Variants in EPB41 observed in about 807,000 individuals in gnomAD.
EPB41 encodes erythrocyte membrane protein band 4.1.
Under a neutral mutation model 108.0 loss-of-function variants are expected in EPB41, and 65 were observed. That is an observed-to-expected ratio of 0.60 (90% CI 0.49 to 0.74). The LOEUF is 0.74. EPB41 is among the 30% of genes least tolerant of loss of function. The probability of loss-of-function intolerance (pLI) is 0.00; values close to 1 mark genes in which losing one functional copy is unlikely to be tolerated. For missense variants in EPB41, 875 were observed against 1,037.0 expected, an observed-to-expected ratio of 0.84 and a Z score of 2.15; for synonymous variants, 336 against 358.9, an observed-to-expected ratio of 0.94 and a Z score of 0.72.
At chr1:29,098,859 G>A (rs542532333) in intron 17 of EPB41, among the ~76,000 whole-genome samples, 1 of 151,946 alleles carries the variant, frequency 6.6e-6, no homozygotes, top group South Asian at 2.1e-4. Context: ...TGATTCTCCT[G>A]CCTCAGCCTC....
intron 1 of EPB41, among the ~76,000 whole-genome samples, chr1:28,915,635 C>T (rs1432238689): frequency 6.6e-6 from 1 of 151,846 alleles, no homozygotes; most frequent in African/African-American, 2.4e-5. Flanking sequence ...TACCCTGTAC[C>T]CTGCCATAAA....
At chr1:28,914,303 C>A (rs951626013), upstream of EPB41, among the ~76,000 whole-genome samples, 1 of 152,236 alleles carries the variant, frequency 6.6e-6, no homozygotes, top group Non-Finnish European at 1.5e-5. Context: ...AGACCGGGTT[C>A]GACTTGCGCG....
chr1:28,934,283 A>T (rs1343040570), intron 1 of EPB41, among the ~76,000 whole-genome samples: 3 of 152,200 alleles, frequency 2.0e-5, no homozygotes, highest in Non-Finnish European at 4.4e-5. Context: ...ACATCCTATC[A>T]ATATGACTTA....
At chr1:28,987,990 C>A in intron 2 of EPB41, 85 bp downstream of exon 2, 1 of 1,433,844 alleles carries the variant, frequency 7.0e-7, no homozygotes, top group Non-Finnish European at 9.8e-7. Context: ...GGGCTGGGCG[C>A]GGTGGCTCAT....
intron 1 of EPB41, 27 bp from the exon 2 acceptor site, chr1:28,987,404 C>T (rs779130435): frequency 1.2e-6 from 2 of 1,602,822 alleles, no homozygotes; most frequent in East Asian, 4.5e-5. Flanking sequence ...TTATAAGAGC[C>T]CCCCTTTTCT....
chr1:28,987,387 G>A (rs752221086), intron 1 of EPB41, 44 bp from the exon 2 acceptor site: 1 of 1,565,666 alleles, frequency 6.4e-7, no homozygotes, highest in South Asian at 1.1e-5. Flanking sequence ...ACAGTAATGT[G>A]TTTTGCTTAT....
chr1:28,953,797 G>A (rs1206572353), intron 1 of EPB41, among the ~76,000 whole-genome samples: 2 of 152,214 alleles, frequency 1.3e-5, no homozygotes, highest in African/African-American at 2.4e-5. Flanking sequence ...ACCAGGGTCC[G>A]AAGCCAAGGT....
At chr1:28,897,889 C>T (rs1255491363) in intron 1 of EPB41, among the ~76,000 whole-genome samples, 2 of 152,112 alleles carry the variant, frequency 1.3e-5, no homozygotes, top group Non-Finnish European at 2.9e-5. Context: ...ACTCAGTGTT[C>T]CTGCTCCTTA....
At chr1:29,004,957 A>G (rs974210604) in intron 4 of EPB41, among the ~76,000 whole-genome samples, 1 of 152,206 alleles carries the variant, frequency 6.6e-6, no homozygotes, top group African/African-American at 2.4e-5. Flanking sequence ...TAGGACCTCC[A>G]TATAAGGGTA....
chr1:29,070,302 T>C (rs1650721917), intron 16 of EPB41: 1 of 1,159,678 alleles, frequency 8.6e-7, no homozygotes, highest in Non-Finnish European at 1.1e-6. Context: ...TTTTTGAGCA[T>C]TTTCCATCTG....
intron 1 of EPB41, among the ~76,000 whole-genome samples, chr1:28,977,603 C>T (rs2095638282): frequency 6.6e-6 from 1 of 152,102 alleles, no homozygotes; most frequent in Non-Finnish European, 1.5e-5. Flanking sequence ...CTCTTTCTGA[C>T]ATTAAGTAAA....
intron 17 of EPB41, 109 bp downstream of exon 17, chr1:29,098,044 G>T: frequency 1.3e-6 from 2 of 1,506,808 alleles, no homozygotes; most frequent in Non-Finnish European, 1.8e-6. Flanking sequence ...TTTTTCTGGG[G>T]CAGTTCTTTT....
chr1:28,889,765 A>G, intron 1 of EPB41: 1 of 981,964 alleles, frequency 1.0e-6, no homozygotes, highest in African/African-American at 1.7e-5. Flanking sequence ...AGGAATCCTG[A>G]GCCCAGGTGT....
Position 29,018,135 on chromosome 1 carries a change from C to G in EPB41, c.906-89C>G, listed in dbSNP as rs2096600481. 4.3e-6 allele frequency: 5 copies of G among 1,154,738 alleles called. No homozygotes were observed. Among genetic ancestry groups the G allele is most frequent in the South Asian group, 2.6e-5 (2 of 77,574 alleles). The allele number at this position is 1,154,738 out of a possible 1,614,324, so 71.5% of individuals were successfully genotyped here. On this transcript the variant is annotated intron_variant, in intron 6 of 20. Transcript: ENST00000343067. This position sits in a 1 kb window ranked among gnomAD's most constrained non-coding sequence, Gnocchi z 4.4. ...TGTGTCCTTATTTTTTCTCTCTCTC[C>G]CTTTCTGTTTCTCCCCTTTTCTCCT...
At chr1:28,921,395 G>T (rs1570603534) in intron 1 of EPB41, among the ~76,000 whole-genome samples, 1 of 152,004 alleles carries the variant, frequency 6.6e-6, no homozygotes, top group Admixed American at 6.6e-5. Flanking sequence ...ATTTCATACA[G>T]ATTGTTGAAA....
intron 11 of EPB41, 148 bp from the exon 12 acceptor site, chr1:29,052,956 A>G (rs935273800): frequency 6.9e-6 from 6 of 871,708 alleles, no homozygotes; most frequent in Non-Finnish European, 9.4e-6. Context: ...AGCACTAATG[A>G]TTTATTTTTT....
intron 1 of EPB41, among the ~76,000 whole-genome samples, chr1:28,898,379 C>T (rs2090936049): frequency 6.6e-6 from 1 of 152,110 alleles, no homozygotes; most frequent in Non-Finnish European, 1.5e-5. Context: ...GCTGCCCTGC[C>T]AGCCCTGCCA....
intron 14 of EPB41, among the ~76,000 whole-genome samples, chr1:29,059,903 G>A (rs961162613): frequency 6.6e-6 from 1 of 152,094 alleles, no homozygotes; most frequent in Non-Finnish European, 1.5e-5. Flanking sequence ...ATATTTATTG[G>A]CTGATCATGT....
intron 17 of EPB41, among the ~76,000 whole-genome samples, chr1:29,105,319 C>G (rs911824060): frequency 1.3e-5 from 2 of 152,176 alleles, no homozygotes; most frequent in Non-Finnish European, 2.9e-5. Context: ...CTCACTGCAA[C>G]CTCCACCTCC....
Sources: gnomAD v4.1 joint callset for allele counts (sites outside exome capture counted in the v4.1 genomes callset) on GRCh38, gnomAD v4.1.1 for gene constraint, Gnocchi (gnomAD v3.1) non-coding constraint, MANE v1.5 for transcripts, NCBI Gene and HGNC (gene_info 2026-07-23, HGNC 2026-07-21) for gene names.